ST8SIA1: variants seen among roughly 807,000 people sequenced by gnomAD.
ST8SIA1 encodes the protein alpha-N-acetylneuraminide alpha-2,8-sialyltransferase.
Under a neutral mutation model 35.9 loss-of-function variants are expected in ST8SIA1, and 16 were observed. That is an observed-to-expected ratio of 0.45 (90% CI 0.30 to 0.68). The LOEUF is 0.68. Ranked by LOEUF, ST8SIA1 falls within the 30% of genes least tolerant of loss-of-function variation. The pLI is 0.09. For synonymous variants in ST8SIA1, 170 were observed against 169.6 expected (o/e 1.00, Z -0.02); for missense variants, 383 against 453.6 (o/e 0.84, Z 1.41).
intron 2 of ST8SIA1, among the ~76,000 whole-genome samples, chr12:22,256,272 C>T (rs1490564654): frequency 6.6e-6 from 1 of 152,186 alleles, no homozygotes; most frequent in East Asian, 1.9e-4. Context: ...CAACACTGAA[C>T]TGGACTGTAA....
At chr12:22,301,856 A>AT (rs1565590915) in intron 1 of ST8SIA1, among the ~76,000 whole-genome samples, 1 of 152,136 alleles carries the variant, frequency 6.6e-6, no homozygotes, top group African/African-American at 2.4e-5. Flanking sequence ...AGAGTAATTC[A>AT]TCCAACTCAT....
At chr12:22,274,517 AAT>A (rs1316276823) in intron 2 of ST8SIA1, among the ~76,000 whole-genome samples, 2 of 152,262 alleles carry the variant, frequency 1.3e-5, no homozygotes, top group African/African-American at 2.4e-5. Context: ...TCTTAAGAAT[AAT>A]ATATGTCTTA....
At chr12:22,321,031 A>AAAG (rs1866592512) in intron 1 of ST8SIA1, among the ~76,000 whole-genome samples, 1 of 64,144 alleles carries the variant, frequency 1.6e-5, no homozygotes, top group South Asian at 5.2e-4. Context: ...AGAAAGAAAG[A>AAAG]AAGAGAAAGA....
chr12:22,293,659 C>T (rs1477140338), intron 1 of ST8SIA1, among the ~76,000 whole-genome samples: 2 of 152,134 alleles, frequency 1.3e-5, no homozygotes, highest in African/African-American at 2.4e-5. Context: ...CATTATATAG[C>T]CTCAGTAAGT....
chr12:22,334,034 C>T lies in ST8SIA1; in HGVS notation c.199G>A (p.Ala67Thr), dbSNP rs1023696676. The change falls in exon 1 of 5, where the codon GCG becomes ACG. Residue 67 changes from alanine (A) to threonine (T), a missense_variant. Physicochemically the swap from Ala to Thr is moderately conservative, Grantham distance 58. Coordinates refer to ENST00000396037, the MANE Select transcript of ST8SIA1 (RefSeq NM_003034.4). ...IVQGVLQQGT[A>T]WRRNQTAARA... The stretch of plus-strand genomic sequence containing the variant: ...GCCGCGGTCTGGTTCCTCCTCCACG[C>T]CGTGCCCTGTTGCAGCACCCCCTGC... The T allele has an allele frequency of 1.2e-6, 2 of 1,614,094 alleles. No individual in the cohort carries two copies. Among genetic ancestry groups the T allele is most frequent in the Non-Finnish European group, 1.7e-6 (2 of 1,180,022 alleles).
intron 4 of ST8SIA1, chr12:22,223,690 G>A (rs1049205534): frequency 9.3e-5 from 114 of 1,222,696 alleles, no homozygotes; most frequent in Non-Finnish European, 1.1e-4. Flanking sequence ...TGCTGGAGAC[G>A]TTCTGTCATT....
intron 1 of ST8SIA1, among the ~76,000 whole-genome samples, chr12:22,310,447 T>C (rs1866435946): frequency 6.6e-6 from 1 of 152,182 alleles, no homozygotes; most frequent in Admixed American, 6.5e-5. Flanking sequence ...CAAGAGTCAG[T>C]GCAATAACTC....
intron 2 of ST8SIA1, among the ~76,000 whole-genome samples, chr12:22,273,998 A>T (rs1865941504): frequency 6.6e-6 from 1 of 152,220 alleles, no homozygotes; most frequent in Non-Finnish European, 1.5e-5. Flanking sequence ...GTTCTCAAAC[A>T]AGATGTAAGG....
chr12:22,211,141 T>G (rs1330786486), intron 4 of ST8SIA1, among the ~76,000 whole-genome samples: 2 of 152,192 alleles, frequency 1.3e-5, no homozygotes, highest in African/African-American at 2.4e-5. Context: ...TTACAAAGGA[T>G]ACAGAGGGAG....
intron 1 of ST8SIA1, among the ~76,000 whole-genome samples, chr12:22,301,906 T>TA (rs1442531531): frequency 2.6e-5 from 4 of 152,150 alleles, no homozygotes; most frequent in African/African-American, 4.8e-5. Flanking sequence ...GGCTCAGCTT[T>TA]AAAAAAATCT....
chr12:22,273,986 T>A (rs1219246873), intron 2 of ST8SIA1, among the ~76,000 whole-genome samples: 1 of 152,098 alleles, frequency 6.6e-6, no homozygotes, highest in Non-Finnish European at 1.5e-5. Flanking sequence ...CCCCAGGAAA[T>A]GGTTCTCAAA....
chr12:22,328,908 A>G (rs1866718521), intron 1 of ST8SIA1, among the ~76,000 whole-genome samples: 1 of 152,176 alleles, frequency 6.6e-6, no homozygotes, highest in Non-Finnish European at 1.5e-5. Flanking sequence ...AAGTGATGGA[A>G]TCAGAATTTG....
chr12:22,244,206 A>G (rs1865572900), intron 4 of ST8SIA1, among the ~76,000 whole-genome samples: 1 of 152,002 alleles, frequency 6.6e-6, no homozygotes, highest in Non-Finnish European at 1.5e-5. Context: ...CTCTTTTCTT[A>G]TGTTTTTAGT....
intron 2 of ST8SIA1, among the ~76,000 whole-genome samples, chr12:22,271,555 G>A (rs932260775): frequency 1.2e-4 from 19 of 152,132 alleles, no homozygotes; most frequent in Non-Finnish European, 2.6e-4. Flanking sequence ...ATAAAATGGG[G>A]TGAAGGGAAA....
At chr12:22,247,402 G>C (rs893093630) in intron 4 of ST8SIA1, among the ~76,000 whole-genome samples, 1 of 151,926 alleles carries the variant, frequency 6.6e-6, no homozygotes, top group Non-Finnish European at 1.5e-5. Context: ...CTTGTAAATT[G>C]TTTTTTGCAA....
At chr12:22,212,688 G>A (rs1003343910) in intron 4 of ST8SIA1, among the ~76,000 whole-genome samples, 1 of 152,150 alleles carries the variant, frequency 6.6e-6, no homozygotes, top group Non-Finnish European at 1.5e-5. Flanking sequence ...CTGAGCACAG[G>A]TTAAGCTAAC....
intron 1 of ST8SIA1, among the ~76,000 whole-genome samples, chr12:22,321,961 T>A (rs999571882): frequency 2.0e-5 from 3 of 152,220 alleles, no homozygotes; most frequent in Admixed American, 1.3e-4. Flanking sequence ...GTAATTGAGC[T>A]TTGTGTTTCC....
intron 1 of ST8SIA1, among the ~76,000 whole-genome samples, chr12:22,317,434 G>A (rs1042947142): frequency 6.6e-6 from 1 of 152,288 alleles, no homozygotes; most frequent in East Asian, 1.9e-4. Context: ...CTAGCTCAAG[G>A]TCTCTCATGA....
chr12:22,296,468 C>T (rs934186431), intron 1 of ST8SIA1, among the ~76,000 whole-genome samples: 10 of 152,198 alleles, frequency 6.6e-5, no homozygotes, highest in African/African-American at 9.6e-5. Context: ...GTCAAGCCCA[C>T]CCTCTCTCAC....
Sources: allele counts gnomAD v4.1 joint callset (sites outside exome capture counted in the v4.1 genomes callset), GRCh38; gene constraint gnomAD v4.1.1; transcripts MANE v1.5; gene names NCBI Gene and HGNC (gene_info 2026-07-23, HGNC 2026-07-21).